KRT31: variants seen among roughly 807,000 people sequenced by gnomAD.
KRT31 encodes keratin 31.
In KRT31, 27 loss-of-function variants were observed where a neutral mutation model predicts 40.8. That is an observed-to-expected ratio of 0.66 (90% CI 0.49 to 0.91). The LOEUF is 0.91. KRT31 is among the 40% of genes least tolerant of loss of function. The pLI, the probability that KRT31 is intolerant of heterozygous loss-of-function variation, is 0.00. For synonymous variants in KRT31, 231 were observed against 231.9 expected (o/e 1.00, Z 0.03); for missense variants, 510 against 544.1 (o/e 0.94, Z 0.62).
Position 41,394,119 on chromosome 17 carries a change from C to G in KRT31, c.1148G>C (p.Gly383Ala). 6.2e-7 allele frequency: 1 copy of G among 1,612,534 alleles called. No individual in the cohort carries two copies. ...GGTACAGGGATTGGAGAGACAGGGT[C>G]CGATGGGCTTGCTGCACGCGTTGGT... Reference protein sequence around the residue: ...ATTNACSKPIGPCLSNPCTSC... With the variant: ...ATTNACSKPIAPCLSNPCTSC... The change falls in exon 7 of 7, where the codon GGA (glycine) becomes GCA (alanine). Residue 383 changes from glycine (G) to alanine (A), a missense_variant. Gly to Ala is a moderately conservative substitution (Grantham distance 60). Transcript: ENST00000251645.
At position 41,397,534 on chromosome 17, in the gene KRT31, G is replaced by C. The variant is rs749184000; in HGVS notation, c.6C>G (p.Pro2=). The change falls in exon 1 of 7, where the codon CCC becomes CCG. Residue 2 remains proline (P), a synonymous_variant. Coordinates refer to ENST00000251645, the MANE Select transcript of KRT31 (RefSeq NM_002277.3). M[P]YNFCLPSLSC... is the part of the protein sequence containing the mutation. ...TCAGGCTGGGCAGGCAGAAGTTGTA[G>C]GGCATAGTGCTGGGAGGGAGGGAGG... 11 of 1,612,606 alleles carry C rather than the reference G, an allele frequency of 6.8e-6. No homozygotes were observed. Among genetic ancestry groups the C allele is most frequent in the Non-Finnish European group, 9.3e-6 (11 of 1,179,290 alleles).
chr17:41,394,285 CA>C (rs2018182474), intron 6 of KRT31, 116 bp from the exon 7 acceptor site: 7 of 1,064,324 alleles, frequency 6.6e-6, no homozygotes, highest in Admixed American at 2.6e-5. Context: ...TGGCCTAGAA[CA>C]GAAAAGGCAC....
At position 41,393,753 on chromosome 17, in the gene KRT31, G is replaced by A; in HGVS notation, c.*263C>T. 1 of 483,126 alleles carries A rather than the reference G, an allele frequency of 2.1e-6. No individual in the cohort carries two copies. The highest frequency in any genetic ancestry group is 3.9e-5 in the South Asian group (1 of 25,850). 29.9% of individuals were successfully genotyped at this position (483,126 alleles called of 1,614,324 possible). ...CCAAGGAAATGATATTTATTAGGAG[G>A]TTAAAAGGGAGGCCCACTGGCACAT... On this transcript the variant is annotated 3_prime_UTR_variant, in exon 7 of 7. Transcript: ENST00000251645.
chr17:41,393,770 C>A lies in KRT31; in HGVS notation c.*246G>T. ...ATTAGGAGGTTAAAAGGGAGGCCCA[C>A]TGGCACATCAGAGAGTTCTCTGGGT... On this transcript the variant is annotated 3_prime_UTR_variant, in exon 7 of 7. Coordinates refer to ENST00000251645, the MANE Select transcript of KRT31 (RefSeq NM_002277.3). 1 of 492,202 alleles carries A rather than the reference C, an allele frequency of 2.0e-6. No individual in the cohort carries two copies. The highest frequency in any genetic ancestry group is 3.5e-6 in the Non-Finnish European group (1 of 283,374). The allele number at this position is 492,202 out of a possible 1,614,324, so 30.5% of individuals were successfully genotyped here. A position where few individuals can be genotyped will look rare whatever the true frequency, so the allele number is the denominator to read the frequency against.
At chr17:41,395,107 C>T in intron 5 of KRT31, 39 bp from the exon 6 acceptor site, 1 of 1,612,428 alleles carries the variant, frequency 6.2e-7, no homozygotes, top group Non-Finnish European at 8.5e-7. Context: ...AGAGCTGCTC[C>T]TTCAAAGGGT....
At position 41,397,473 on chromosome 17, in the gene KRT31, G is replaced by A. The variant is rs773586300; in HGVS notation, c.67C>T (p.Pro23Ser). The change falls in exon 1 of 7, where the codon CCC becomes TCC. Residue 23 changes from proline (P) to serine (S), a missense_variant. Pro to Ser is a moderately conservative substitution (Grantham distance 74, BLOSUM62 -1). Coordinates refer to ENST00000251645, the MANE Select transcript of KRT31 (RefSeq NM_002277.3). ...RTSCSSRPCVPPSCHSCTLPG... is the reference protein window; with the variant it reads ...RTSCSSRPCVSPSCHSCTLPG... ...AGGGTGCAGCTGTGGCAGCTGGGGG[G>A]CACGCAGGGCCGGGAGGAGCAGCTG... is the stretch of plus-strand genomic sequence containing the variant. 146 of 1,613,058 alleles carry A rather than the reference G, an allele frequency of 9.1e-5. 1 individual carries two copies. The highest frequency in any genetic ancestry group is 6.2e-4 in the Admixed American group (37 of 59,982).
In KRT31 at chr17:41,397,485, G is replaced by A. The variant is rs1044455625; in HGVS notation, c.55C>T (p.Arg19Trp). The A allele has an allele frequency of 5.6e-6, 9 of 1,613,332 alleles. No homozygotes were observed. Among genetic ancestry groups the A allele is most frequent in the East Asian group, 4.5e-5 (2 of 44,864 alleles). The stretch of plus-strand genomic sequence containing the variant: ...TGGCAGCTGGGGGGCACGCAGGGCC[G>A]GGAGGAGCAGCTGGTGCGGCAGCTC... Reference protein sequence around the residue: ...SLSCRTSCSSRPCVPPSCHSC... With the variant: ...SLSCRTSCSSWPCVPPSCHSC... The change falls in exon 1 of 7, where the codon CGG becomes TGG. Residue 19 changes from arginine (R) to tryptophan (W), a missense_variant. By Grantham distance (101) the Arg-to-Trp change is moderately radical. Coordinates refer to ENST00000251645, the MANE Select transcript of KRT31 (RefSeq NM_002277.3).
Position 41,397,372 on chromosome 17 carries a change from C to T in KRT31, c.168G>A (p.Glu56=), listed in dbSNP as rs760435161. 5.0e-6 allele frequency: 8 copies of T among 1,613,154 alleles called. No individual in the cohort carries two copies. The highest frequency in any genetic ancestry group is 1.1e-5 in the South Asian group (1 of 91,038). ...CGTTCAGGAACTGCATAGTCTCCTTCTCGCTACCATTGAAGGAGCCCTCGC... is the reference window on the plus strand; with the variant it reads ...CGTTCAGGAACTGCATAGTCTCCTTTTCGCTACCATTGAAGGAGCCCTCGC... ...WFCEGSFNGS[E]KETMQFLNDR... Residue 56 remains glutamate (E), a synonymous_variant, in exon 1 of 7, where the codon GAG becomes GAA. Transcript: ENST00000251645.
At chr17:41,394,428 G>C (rs1261963182) in intron 6 of KRT31, among the ~76,000 whole-genome samples, 1 of 152,122 alleles carries the variant, frequency 6.6e-6, no homozygotes, top group Non-Finnish European at 1.5e-5. Context: ...TGATGACATG[G>C]GGTGAGTCAT....
At chr17:41,394,716 T>C in intron 6 of KRT31, 132 bp downstream of exon 6, 2 of 1,480,042 alleles carry the variant, frequency 1.4e-6, no homozygotes, top group African/African-American at 1.4e-5. Context: ...TATTATGTTG[T>C]CTGAGTTCTG....
chr17:41,395,435 T>C, intron 4 of KRT31, 27 bp downstream of exon 4: 1 of 1,614,022 alleles, frequency 6.2e-7, no homozygotes, highest in Non-Finnish European at 8.5e-7. Flanking sequence ...CCTTGGGTCC[T>C]GAGGGGCCAC....
chr17:41,397,107 G>T, intron 1 of KRT31, 85 bp downstream of exon 1: 3 of 1,577,670 alleles, frequency 1.9e-6, no homozygotes, highest in Non-Finnish European at 2.6e-6. Context: ...AATTATGACA[G>T]CACAGAAGCA....
rs201729440 is a variant in KRT31 at position 41,395,367 on chromosome 17, C to T, written c.754G>A (p.Glu252Lys). The change falls in exon 5 of 7, where the codon GAG becomes AAG. Residue 252 changes from glutamate to lysine, a missense_variant. By Grantham distance (56) the Glu-to-Lys change is moderately conservative. Coordinates refer to ENST00000251645, the MANE Select transcript of KRT31 (RefSeq NM_002277.3). ...EVEQWFTTQTEELNKQVVSSS... is the reference protein window; with the variant it reads ...EVEQWFTTQTKELNKQVVSSS... ...GATACCACCTGCTTGTTCAGCTCCT[C>T]GGTCTGAAACACCCAAGGGGAGAAA... is the stretch of plus-strand genomic sequence containing the variant. The T allele has an allele frequency of 1.2e-4, 192 of 1,614,148 alleles. No homozygotes were observed. The highest frequency in any genetic ancestry group is 1.5e-4 in the Non-Finnish European group (179 of 1,180,034).
chr17:41,396,321 T>C (rs2018225912), intron 3 of KRT31, 99 bp downstream of exon 3: 1 of 1,175,112 alleles, frequency 8.5e-7, no homozygotes, highest in Non-Finnish European at 1.2e-6. Context: ...AAACCCTCAG[T>C]CTTGTACTCA....
In KRT31 at chr17:41,395,220, A is replaced by G. The variant is rs764835624; in HGVS notation, c.876+25T>C. 3.1e-6 allele frequency: 5 copies of G among 1,612,372 alleles called. No individual in the cohort carries two copies. In the African/African-American group the frequency reaches 6.7e-5, roughly 22 times the overall value. On this transcript the variant is annotated intron_variant, in intron 5 of 6. Transcript: ENST00000251645. ...TCTGCCTCCCAAGTTCCCGTCGCTC[A>G]CCAGCAGGTCTGAACAATACACACC... is the stretch of plus-strand genomic sequence containing the variant.
In KRT31 at chr17:41,394,140, T is replaced by G. The variant is rs754140440; in HGVS notation, c.1127A>C (p.Asn376Thr). The G allele has an allele frequency of 1.9e-6, 3 of 1,612,148 alleles. No individual in the cohort carries two copies. Among genetic ancestry groups the G allele is most frequent in the Non-Finnish European group, 2.5e-6 (3 of 1,179,254 alleles). The change falls in exon 7 of 7, where the codon AAC becomes ACC. Residue 376 changes from asparagine (N) to threonine (T), a missense_variant. Asn to Thr is a moderately conservative substitution (Grantham distance 65). Coordinates refer to ENST00000251645, the MANE Select transcript of KRT31 (RefSeq NM_002277.3). ...NLPSNPCATT[N>T]ACSKPIGPCL... is the part of the protein sequence containing the mutation. ...GGGTCCGATGGGCTTGCTGCACGCG[T>G]TGGTCGTGGCACAGGGATTGCTGGG...
rs753358278 is a variant in KRT31 at position 41,395,071 on chromosome 17, G to A, written c.877-3C>T. 3.7e-6 allele frequency: 6 copies of A among 1,614,180 alleles called. No homozygotes were observed. In the Admixed American group the frequency reaches 8.3e-5, roughly 22 times the overall value. On this transcript the variant is annotated splice_region_variant and splice_polypyrimidine_tract_variant and intron_variant, in intron 5 of 6. Coordinates refer to ENST00000251645, the MANE Select transcript of KRT31 (RefSeq NM_002277.3). ...AGCGTGTTTTCCAGAGAGTCTCGCT[G>A]TGGTGGAGAAGATTGGGAATGTCAG...
chr17:41,394,686 T>C (rs769319724), intron 6 of KRT31, 162 bp downstream of exon 6: 418 of 871,050 alleles, frequency 4.8e-4, no homozygotes, highest in Non-Finnish European at 4.9e-4. Flanking sequence ...CCAAACCATT[T>C]ATGTTTTAAA....
Position 41,394,848 on chromosome 17 carries a change from T to G in KRT31, c.1097A>C (p.Asn366Thr), listed in dbSNP as rs759839376. The change falls in exon 6 of 7, where the codon AAT becomes ACT. Residue 366 changes from asparagine (N) to threonine (T), a missense_variant and splice_region_variant. Coordinates refer to ENST00000251645, the MANE Select transcript of KRT31 (RefSeq NM_002277.3). ...CAAACACGTCTGCCCATGTACTCACTTGCAGTCCTCGCTCTCCAGCAGGCT... is the reference window on the plus strand; with the variant it reads ...CAAACACGTCTGCCCATGTACTCACGTGCAGTCCTCGCTCTCCAGCAGGCT... ...YRSLLESEDCNLPSNPCATTN... is the reference protein window; with the variant it reads ...YRSLLESEDCTLPSNPCATTN... 7 of 1,613,958 alleles carry G rather than the reference T, an allele frequency of 4.3e-6. No homozygotes were observed. In the African/African-American group the frequency reaches 8.0e-5, roughly 18 times the overall value.
Sources: allele counts gnomAD v4.1 joint callset (sites outside exome capture counted in the v4.1 genomes callset), GRCh38; gene constraint gnomAD v4.1.1; transcripts MANE v1.5; gene names NCBI Gene and HGNC (gene_info 2026-07-23, HGNC 2026-07-21).